SCHIP1: variants seen among roughly 807,000 people sequenced by gnomAD.
The protein encoded by SCHIP1 is schwannomin interacting protein 1, also known as schwannomin-interacting protein 1.
A neutral mutation model predicts 29.7 loss-of-function variants in SCHIP1; 8 were observed. The observed-to-expected ratio is 0.27, with a 90% CI of 0.16 to 0.49. The LOEUF (loss-of-function observed/expected upper bound fraction) is 0.49. Ranked by LOEUF, SCHIP1 falls within the 20% of genes least tolerant of loss-of-function variation. SCHIP1 has a pLI of 0.99. For missense variants in SCHIP1, 193 were observed against 294.6 expected (o/e 0.66, Z 2.52); for synonymous variants, 76 against 94.9 (o/e 0.80, Z 1.16).
the SCHIP1 span, among the ~76,000 whole-genome samples, chr3:159,459,506 A>G: frequency 2.0e-5 from 3 of 152,240 alleles, no homozygotes; most frequent in Admixed American, 1.3e-4. Context: ...ACATAACTAT[A>G]GTAGATCAGC....
chr3:159,534,913 C>A, the SCHIP1 span, among the ~76,000 whole-genome samples: 28 of 152,274 alleles, frequency 1.8e-4, no homozygotes, highest in African/African-American at 6.5e-4. Flanking sequence ...CACTCCCCAA[C>A]CCAAAATCTG....
At chr3:159,488,769 GA>G in the SCHIP1 span, among the ~76,000 whole-genome samples, 1 of 152,094 alleles carries the variant, frequency 6.6e-6, no homozygotes, top group South Asian at 2.1e-4. Context: ...AATGTCATAG[GA>G]AAAAAACAAC....
chr3:159,742,767 A>C, the SCHIP1 span, among the ~76,000 whole-genome samples: 1 of 151,452 alleles, frequency 6.6e-6, no homozygotes, highest in African/African-American at 2.4e-5. Flanking sequence ...TCCCGGGTTC[A>C]AGCAATTTTC....
the SCHIP1 span, among the ~76,000 whole-genome samples, chr3:159,649,207 T>G: frequency 6.6e-6 from 1 of 152,142 alleles, no homozygotes; most frequent in Non-Finnish European, 1.5e-5. Context: ...TGGGCCCCTG[T>G]GTGCGTTCAC....
At chr3:159,774,290 T>A in the SCHIP1 span, among the ~76,000 whole-genome samples, 1 of 152,238 alleles carries the variant, frequency 6.6e-6, no homozygotes, top group Admixed American at 6.5e-5. Context: ...TTCTTTTTGT[T>A]GTCTGTGTGT....
the SCHIP1 span, among the ~76,000 whole-genome samples, chr3:159,526,626 A>C: frequency 6.6e-6 from 1 of 152,214 alleles, no homozygotes; most frequent in Non-Finnish European, 1.5e-5. Flanking sequence ...ATGCAGGCCT[A>C]GGTCTCTAAC....
chr3:159,831,194 A>C, the SCHIP1 span, among the ~76,000 whole-genome samples: 8,231 of 152,294 alleles, frequency 0.054, 345 homozygotes, highest in Non-Finnish European at 0.066. Flanking sequence ...GGAAATCAAC[A>C]TAAAATCTAA....
At chr3:159,882,214 C>T (rs1443855428) in intron 2 of SCHIP1, among the ~76,000 whole-genome samples, 1 of 152,164 alleles carries the variant, frequency 6.6e-6, no homozygotes, top group Non-Finnish European at 1.5e-5. Context: ...CATTTGACTT[C>T]TCTGAGTAAC....
the SCHIP1 span, among the ~76,000 whole-genome samples, chr3:159,590,557 C>T: frequency 4.0e-5 from 6 of 150,372 alleles, no homozygotes; most frequent in South Asian, 1.2e-3. Context: ...GCCTGGGCAA[C>T]AAAGCGAGAC....
the SCHIP1 span, among the ~76,000 whole-genome samples, chr3:159,750,253 ATG>A: frequency 0.027 from 883 of 32,368 alleles, 8 homozygotes; most frequent in Admixed American, 0.077. Flanking sequence ...ATAGGTGTGT[ATG>A]TGTGTGTGTA....
the SCHIP1 span, among the ~76,000 whole-genome samples, chr3:159,411,422 C>A: frequency 6.6e-6 from 1 of 151,864 alleles, no homozygotes; most frequent in Admixed American, 6.6e-5. Flanking sequence ...TACTCTGTGA[C>A]CAGAAATGTT....
At chr3:159,432,323 T>A in the SCHIP1 span, among the ~76,000 whole-genome samples, 11 of 103,806 alleles carry the variant, frequency 1.1e-4, no homozygotes, top group African/African-American at 3.5e-4. Flanking sequence ...TGTGTGTGTG[T>A]GTGTGTGTGT....
the SCHIP1 span, among the ~76,000 whole-genome samples, chr3:159,396,541 G>C: frequency 6.7e-6 from 1 of 148,426 alleles, no homozygotes. Flanking sequence ...CTCAGCATTT[G>C]CTTGTCTGTA....
the SCHIP1 span, among the ~76,000 whole-genome samples, chr3:159,830,633 T>G: frequency 6.6e-6 from 1 of 152,240 alleles, no homozygotes; most frequent in Non-Finnish European, 1.5e-5. Context: ...TTTCTATTTT[T>G]GGGCCTCAGA....
At chr3:159,370,044 T>C in the SCHIP1 span, among the ~76,000 whole-genome samples, 29 of 152,350 alleles carry the variant, frequency 1.9e-4, no homozygotes, top group African/African-American at 6.7e-4. Flanking sequence ...GGTAAAATTC[T>C]TTCTTGTTTA....
At chr3:159,424,149 G>A in the SCHIP1 span, among the ~76,000 whole-genome samples, 1 of 151,888 alleles carries the variant, frequency 6.6e-6, no homozygotes, top group Non-Finnish European at 1.5e-5. Context: ...TCCTCCTCCA[G>A]AGGAACGCAG....
chr3:159,665,393 C>T, the SCHIP1 span, among the ~76,000 whole-genome samples: 1 of 152,140 alleles, frequency 6.6e-6, no homozygotes, highest in African/African-American at 2.4e-5. Context: ...GCTATGGAAT[C>T]AAGCAGAACT....
the SCHIP1 span, among the ~76,000 whole-genome samples, chr3:159,639,056 T>A: frequency 6.6e-6 from 1 of 152,182 alleles, no homozygotes; most frequent in South Asian, 2.1e-4. Flanking sequence ...AACTGCTTAT[T>A]AAAAATTGTA....
intron 2 of SCHIP1, among the ~76,000 whole-genome samples, chr3:159,882,471 A>G (rs1381735494): frequency 6.6e-6 from 1 of 152,176 alleles, no homozygotes; most frequent in Non-Finnish European, 1.5e-5. Flanking sequence ...AAAAGCAAGT[A>G]GTTCCAGGCT....
Sources: allele counts gnomAD v4.1 joint callset (sites outside exome capture counted in the v4.1 genomes callset), GRCh38; gene constraint gnomAD v4.1.1; transcripts MANE v1.5; gene names NCBI Gene and HGNC (gene_info 2026-07-23, HGNC 2026-07-21).